Variants in FOXP1 observed in about 807,000 individuals in gnomAD.
FOXP1 encodes the protein forkhead box P1, also known as forkhead box protein P1.
Under a neutral mutation model 98.2 loss-of-function variants are expected in FOXP1, and 15 were observed. The ratio of observed to expected loss-of-function variants is 0.15; its 90% CI spans 0.10 to 0.24. The LOEUF (loss-of-function observed/expected upper bound fraction) is 0.24, where lower values mean the gene tolerates loss of function less well. Among genes scored for constraint, FOXP1 ranks in the 10% least tolerant of loss-of-function variants. The probability of loss-of-function intolerance (pLI) is 1.00; values close to 1 mark genes in which losing one functional copy is unlikely to be tolerated. For synonymous variants in FOXP1, 371 were observed against 314.5 expected (o/e 1.18, Z -1.90); for missense variants, 633 against 848.5 (o/e 0.75, Z 3.15).
chr3:71,198,306 A>T lies in FOXP1; in HGVS notation c.76T>A (p.Leu26Ile), dbSNP rs533097431. The T allele has an allele frequency of 6.2e-7, 1 of 1,613,272 alleles. No individual in the cohort carries two copies. The highest frequency in any genetic ancestry group is 8.5e-7 in the Non-Finnish European group (1 of 1,179,964). Residue 26 changes from leucine (L) to isoleucine (I), a missense_variant, in exon 6 of 21, where the codon TTA becomes ATA. By Grantham distance (5) the Leu-to-Ile change is conservative. Around this residue, in one of 6 missense-constraint regions of FOXP1, gnomAD observed 103 missense variants for 85.5 expected, o/e 1.20. Coordinates refer to ENST00000649528, the MANE Select transcript of FOXP1 (RefSeq NM_001349338.3). ...TCCCGAAGACCGCCGCACTCTAGTA[A>T]GTGGTTGCTGCCGCCCGACCCATTC... Reference protein sequence around the residue: ...IQNGSGGSNHLLECGGLREGR... With the variant: ...IQNGSGGSNHILECGGLREGR...
intron 4 of FOXP1, among the ~76,000 whole-genome samples, chr3:71,331,529 C>A (rs924108035): frequency 6.6e-6 from 1 of 152,260 alleles, no homozygotes; most frequent in Admixed American, 6.5e-5. Context: ...GGCCCCGGTG[C>A]GGGATCCACT....
intron 4 of FOXP1, among the ~76,000 whole-genome samples, chr3:71,337,476 G>A (rs2076754794): frequency 6.6e-6 from 1 of 152,164 alleles, no homozygotes; most frequent in Non-Finnish European, 1.5e-5. Context: ...AGTTGGGAGT[G>A]GGTGGGTAGT....
intron 5 of FOXP1, among the ~76,000 whole-genome samples, chr3:71,239,257 A>G (rs1308596264): frequency 1.3e-5 from 2 of 152,100 alleles, no homozygotes; most frequent in Non-Finnish European, 2.9e-5. Context: ...GAAAACCAAA[A>G]AGCTGCCCAG....
chr3:71,328,087 G>T (rs1050683443), intron 4 of FOXP1, among the ~76,000 whole-genome samples: 1 of 152,064 alleles, frequency 6.6e-6, no homozygotes, highest in African/African-American at 2.4e-5. Context: ...TTCAAGATAC[G>T]TGATAAGCTG....
chr3:71,030,345 G>A (rs1372279634), intron 11 of FOXP1, among the ~76,000 whole-genome samples: 1 of 152,198 alleles, frequency 6.6e-6, no homozygotes, highest in African/African-American at 2.4e-5. Flanking sequence ...TGTGCCCTTA[G>A]ATTGGAGGGG....
chr3:71,566,144 A>G (rs1467757071), intron 2 of FOXP1, among the ~76,000 whole-genome samples: 2 of 152,196 alleles, frequency 1.3e-5, no homozygotes, highest in East Asian at 3.8e-4. Context: ...TCATGCACTC[A>G]GCACAGATGT....
intron 4 of FOXP1, among the ~76,000 whole-genome samples, chr3:71,352,904 G>A (rs750486442): frequency 5.3e-5 from 8 of 152,136 alleles, no homozygotes; most frequent in Non-Finnish European, 1.2e-4. Context: ...ATAAACCTAA[G>A]AAGGTCTAAG....
chr3:71,028,574 T>C (rs2046438653), intron 11 of FOXP1, among the ~76,000 whole-genome samples: 1 of 152,210 alleles, frequency 6.6e-6, no homozygotes, highest in Non-Finnish European at 1.5e-5. Flanking sequence ...CAGGTTCTCT[T>C]ACAGAAGTGC....
intron 2 of FOXP1, among the ~76,000 whole-genome samples, chr3:71,526,336 C>T (rs2043379673): frequency 6.6e-6 from 1 of 152,112 alleles, no homozygotes. Context: ...CAAATCTGTG[C>T]CTCAGCCGAC....
chr3:70,988,148 ATAT>A, intron 13 of FOXP1, 71 bp from the exon 14 acceptor site: 1 of 1,307,416 alleles, frequency 7.6e-7, no homozygotes, highest in East Asian at 2.3e-5. Context: ...AAAATGATAC[ATAT>A]TACAAATTAC....
At chr3:71,137,532 T>G (rs958802656) in intron 6 of FOXP1, among the ~76,000 whole-genome samples, 21 of 152,204 alleles carry the variant, frequency 1.4e-4, no homozygotes, top group African/African-American at 5.1e-4. Context: ...ATGCCTGTTC[T>G]GATTGTGGAA....
intron 6 of FOXP1, among the ~76,000 whole-genome samples, chr3:71,195,451 A>T (rs1470621670): frequency 6.6e-6 from 1 of 152,222 alleles, no homozygotes; most frequent in African/African-American, 2.4e-5. Flanking sequence ...AAATCCTCCA[A>T]CATTCAATAT....
intron 2 of FOXP1, among the ~76,000 whole-genome samples, chr3:71,567,238 T>C (rs1247177071): frequency 6.6e-6 from 1 of 152,042 alleles, no homozygotes; most frequent in African/African-American, 2.4e-5. Flanking sequence ...CAATTCTCAT[T>C]ATTAATAAAC....
intron 6 of FOXP1, among the ~76,000 whole-genome samples, chr3:71,126,873 A>AC (rs2059233360): frequency 1.9e-5 from 2 of 107,916 alleles, no homozygotes; most frequent in African/African-American, 6.1e-5. Flanking sequence ...AAAACAAACA[A>AC]AAAAAAAAAA....
intron 2 of FOXP1, among the ~76,000 whole-genome samples, chr3:71,502,903 A>G (rs1404679327): frequency 1.3e-5 from 2 of 151,834 alleles, no homozygotes; most frequent in African/African-American, 4.8e-5. Flanking sequence ...GAATGAAGAA[A>G]CCAACTAGGT....
chr3:71,287,228 T>C (rs933202924), intron 5 of FOXP1, among the ~76,000 whole-genome samples: 4 of 152,082 alleles, frequency 2.6e-5, no homozygotes, highest in African/African-American at 9.7e-5. Context: ...CTTCGGAACT[T>C]TGGGAGGCCG....
chr3:71,161,323 T>G (rs1266608282), intron 6 of FOXP1, among the ~76,000 whole-genome samples: 1 of 152,220 alleles, frequency 6.6e-6, no homozygotes, highest in African/African-American at 2.4e-5. Context: ...GTAGCTCATC[T>G]GGGCCTCCAA....
chr3:71,405,351 C>G (rs769569174), intron 3 of FOXP1, among the ~76,000 whole-genome samples: 4 of 152,190 alleles, frequency 2.6e-5, no homozygotes, highest in Non-Finnish European at 2.9e-5. Flanking sequence ...TCTGTGCATC[C>G]AAATCATCAC....
At chr3:71,141,068 A>C (rs755361758) in intron 6 of FOXP1, among the ~76,000 whole-genome samples, 3 of 151,920 alleles carry the variant, frequency 2.0e-5, no homozygotes, top group Non-Finnish European at 1.5e-5. Flanking sequence ...AGAGATAGAG[A>C]CCATCCTGGC....
Sources: allele counts gnomAD v4.1 joint callset (sites outside exome capture counted in the v4.1 genomes callset), GRCh38; gene constraint gnomAD v4.1.1; regional missense constraint gnomAD v4.1.1; transcripts MANE v1.5; gene names NCBI Gene and HGNC (gene_info 2026-07-23, HGNC 2026-07-21).